UNC13A: variants seen among roughly 807,000 people sequenced by gnomAD.
UNC13A encodes unc-13 homolog A, also known as protein unc-13 homolog A.
UNC13A carries 61 observed loss-of-function variants against 219.7 expected under a neutral mutation model. The ratio of observed to expected loss-of-function variants is 0.28; its 90% CI spans 0.23 to 0.34. The LOEUF is 0.34. Ranked by LOEUF, UNC13A falls within the 10% of genes least tolerant of loss-of-function variation. The pLI, the probability that UNC13A is intolerant of heterozygous loss-of-function variation, is 1.00. For synonymous variants in UNC13A, 920 were observed against 884.6 expected (o/e 1.04, Z -0.71); for missense variants, 1,476 against 2,270.3 (o/e 0.65, Z 7.11).
chr19:17,603,114 T>C lies in UNC13A; in HGVS notation c.*2940A>G, dbSNP rs1323543833. On this transcript the variant is annotated 3_prime_UTR_variant, in exon 44 of 44. Coordinates refer to ENST00000519716, the MANE Select transcript of UNC13A (RefSeq NM_001080421.3). ...TGGGGGAAAGAAAAGAGGGTGGAAA[T>C]TGCAAAAACAGTTCTAGCCTGGGAG... 1 of 152,002 alleles carries C rather than the reference T, an allele frequency of 6.6e-6. No individual in the cohort carries two copies. Among genetic ancestry groups the C allele is most frequent in the East Asian group, 1.9e-4 (1 of 5,182 alleles). 9.4% of individuals were successfully genotyped at this position (152,002 alleles called of 1,614,324 possible). A position where few individuals can be genotyped will look rare whatever the true frequency, so the allele number is the denominator to read the frequency against.
chr19:17,670,313 TCA>T (rs1181377957), intron 4 of UNC13A, among the ~76,000 whole-genome samples: 15 of 151,728 alleles, frequency 9.9e-5, no homozygotes, highest in Non-Finnish European at 2.2e-4. Context: ...TGATCTCAGC[TCA>T]CTGCAACCTC....
rs192767194 is a variant in UNC13A, at chr19:17,643,562, G to A, written c.2357-602C>T. ...TCGAACTCCTGACCTCAGGTGATCC[G>A]CCCGCCTCGGCCTCCCAAGGCAATT... On this transcript the variant is annotated intron_variant, in intron 19 of 43. Transcript: ENST00000519716. 1.0e-3 allele frequency among the ~76,000 whole-genome samples: 153 copies of A among 152,022 alleles called. 2 individuals carry two copies. Among genetic ancestry groups the A allele is most frequent in the Non-Finnish European group, 9.6e-4 (65 of 67,958 alleles).
chr19:17,635,779 G>A (rs2076907194), intron 26 of UNC13A, among the ~76,000 whole-genome samples: 1 of 152,142 alleles, frequency 6.6e-6, no homozygotes, highest in African/African-American at 2.4e-5. Flanking sequence ...AGTTATGCAT[G>A]CAAATGAATA....
At chr19:17,656,731 A>G (rs1036562748) in intron 9 of UNC13A, among the ~76,000 whole-genome samples, 1 of 152,066 alleles carries the variant, frequency 6.6e-6, no homozygotes, top group Non-Finnish European at 1.5e-5. Context: ...GTATGCCTGT[A>G]ATCCCAGCTA....
chr19:17,660,537 T>TG (rs1329768660), intron 8 of UNC13A, among the ~76,000 whole-genome samples: 21 of 149,072 alleles, frequency 1.4e-4, no homozygotes, highest in Admixed American at 4.0e-4. Context: ...GTTTTTGGGT[T>TG]TTTTTTTTTT....
chr19:17,639,655 G>A (rs1480655767), intron 23 of UNC13A, 130 bp from the exon 24 acceptor site: 6 of 1,195,204 alleles, frequency 5.0e-6, no homozygotes, highest in Non-Finnish European at 7.1e-6. Flanking sequence ...CGAAGCAACT[G>A]GGGATCTGCT....
chr19:17,618,864 G>A (rs1358906272), intron 39 of UNC13A, 42 bp downstream of exon 39: 1 of 1,528,926 alleles, frequency 6.5e-7, no homozygotes, highest in African/African-American at 1.7e-5. Flanking sequence ...ACATGAGTTT[G>A]GGGGGCAGTC....
chr19:17,682,102 G>A (rs1216257730), intron 1 of UNC13A, among the ~76,000 whole-genome samples: 1 of 151,910 alleles, frequency 6.6e-6, no homozygotes, highest in East Asian at 1.9e-4. Flanking sequence ...ACAGGCGCGC[G>A]CCACCATACC....
chr19:17,688,339 G>T lies in UNC13A; in HGVS notation c.-140C>A, dbSNP rs1346002457. 1 of 1,301,816 alleles carries T rather than the reference G, an allele frequency of 7.7e-7. No homozygotes were observed. The highest frequency in any genetic ancestry group is 1.6e-5 in the African/African-American group (1 of 63,846). The allele number at this position is 1,301,816 out of a possible 1,614,324, so 80.6% of individuals were successfully genotyped here. ...GGCCCGGCCGCCACCGGCCATCTTG[G>T]TTCAGCACCGGGGGCGCGGACAGCG... On this transcript the variant is annotated 5_prime_UTR_variant, in exon 1 of 44. Transcript: ENST00000519716.
rs550461948 is a variant in UNC13A, at chr19:17,655,625, C to A, written c.1284-243G>T. On this transcript the variant is annotated intron_variant, in intron 10 of 43. Coordinates refer to ENST00000519716, the MANE Select transcript of UNC13A (RefSeq NM_001080421.3). ...TTTTCACCAGCCCAGCCCCTCTGGC[C>A]CCCCATTTGCCCAGGATCTTGACCT... Among the ~76,000 whole-genome samples, 170 of 152,288 alleles carry A rather than the reference C, an allele frequency of 1.1e-3. 1 individual carries two copies. The highest frequency in any genetic ancestry group is 4.0e-3 in the African/African-American group (166 of 41,556).
At chr19:17,679,657 G>C (rs1354048474) in intron 1 of UNC13A, among the ~76,000 whole-genome samples, 15 of 151,972 alleles carry the variant, frequency 9.9e-5, no homozygotes, top group Admixed American at 9.8e-4. Flanking sequence ...AGGCTCAGCG[G>C]GGAGCCCAGT....
rs1335753167 is a variant in UNC13A, at chr19:17,604,378, T to C, written c.*1676A>G. On this transcript the variant is annotated 3_prime_UTR_variant, in exon 44 of 44. Transcript: ENST00000519716. The stretch of plus-strand genomic sequence containing the variant: ...CAAGGCTCCTCACGATCCCCCTTGC[T>C]GGCTCAGCTCCAGCCGTGCCACCCT... The C allele has an allele frequency of 6.6e-6, 1 of 152,388 alleles. No homozygotes were observed. Among genetic ancestry groups the C allele is most frequent in the East Asian group, 1.9e-4 (1 of 5,206 alleles). 9.4% of individuals were successfully genotyped at this position (152,388 alleles called of 1,614,324 possible).
At chr19:17,625,007 C>A in intron 34 of UNC13A, 55 bp from the exon 35 acceptor site, 1 of 1,586,788 alleles carries the variant, frequency 6.3e-7, no homozygotes, top group Non-Finnish European at 8.6e-7. Flanking sequence ...ACCCACAGAT[C>A]ACCTTCCCTT....
chr19:17,670,907 G>GTAAAATAAAATAAAATAAAA lies in UNC13A; in HGVS notation c.271-1251_271-1232dup, dbSNP rs58942725. On this transcript the variant is annotated intron_variant, in intron 4 of 43. Coordinates refer to ENST00000519716, the MANE Select transcript of UNC13A (RefSeq NM_001080421.3). ...TGACAGAGTGAGACTCCATCTCACA[G>GTAAAATAAAATAAAATAAAA]TAAAATAAAATAAAATAAAATAAAA... Among the ~76,000 whole-genome samples the GTAAAATAAAATAAAATAAAA allele has an allele frequency of 3.8e-3, 488 of 128,626 alleles. 7 individuals are homozygous for GTAAAATAAAATAAAATAAAA. Among genetic ancestry groups the GTAAAATAAAATAAAATAAAA allele is most frequent in the African/African-American group, 0.013 (423 of 33,736 alleles). The allele number at this position is 128,626 out of a possible 152,430, so 84.4% of individuals were successfully genotyped here. A position where few individuals can be genotyped will look rare whatever the true frequency, so the allele number is the denominator to read the frequency against.
chr19:17,651,972 T>A (rs548917053), intron 12 of UNC13A, among the ~76,000 whole-genome samples: 1 of 152,182 alleles, frequency 6.6e-6, no homozygotes, highest in East Asian at 1.9e-4. Flanking sequence ...AACAACTATC[T>A]TTAATTAAAG....
At chr19:17,628,051 C>CT (rs1341024462) in intron 31 of UNC13A, 111 bp from the exon 32 acceptor site, 1 of 1,047,066 alleles carries the variant, frequency 9.6e-7, no homozygotes, top group African/African-American at 1.6e-5. Context: ...CTGGAGGAAG[C>CT]TGGGGTCCCA....
chr19:17,642,188 CCAGT>C (rs961612710), intron 20 of UNC13A, among the ~76,000 whole-genome samples: 5 of 152,190 alleles, frequency 3.3e-5, no homozygotes, highest in Non-Finnish European at 7.3e-5. Flanking sequence ...ATCTATCCAC[CCAGT>C]CAATCATCTA....
chr19:17,655,169 G>A, intron 11 of UNC13A, 105 bp downstream of exon 11: 1 of 902,154 alleles, frequency 1.1e-6, no homozygotes, highest in Non-Finnish European at 1.8e-6. Flanking sequence ...GTGGGGTGTT[G>A]GGCGTGGCCA....
intron 8 of UNC13A, among the ~76,000 whole-genome samples, chr19:17,660,196 G>A (rs745479791): frequency 6.6e-6 from 1 of 151,982 alleles, no homozygotes; most frequent in African/African-American, 2.4e-5. Flanking sequence ...CACCTCGGCC[G>A]GCCAGCATTC....
Sources: gnomAD v4.1 joint callset for allele counts (sites outside exome capture counted in the v4.1 genomes callset) on GRCh38, gnomAD v4.1.1 for gene constraint, MANE v1.5 for transcripts, NCBI Gene and HGNC (gene_info 2026-07-23, HGNC 2026-07-21) for gene names.